The following GPHN variants were observed in gnomAD, a reference collection of about 807,000 sequenced individuals.
GPHN encodes the protein gephyrin.
A neutral mutation model predicts 95.5 loss-of-function variants in GPHN; 17 were observed. That is an observed-to-expected ratio of 0.18 (90% CI 0.12 to 0.27). GPHN has a LOEUF of 0.27. GPHN is among the 10% of genes least tolerant of loss of function. The pLI is 1.00. For synonymous variants in GPHN, 320 were observed against 322.5 expected (o/e 0.99, Z 0.08); for missense variants, 660 against 978.1 (o/e 0.67, Z 4.34).
the GPHN span, among the ~76,000 whole-genome samples, chr14:67,297,585 AT>A: frequency 6.6e-6 from 1 of 152,198 alleles, no homozygotes; most frequent in African/African-American, 2.4e-5. Flanking sequence ...CTTTGATAAC[AT>A]TGTGGAAAGT....
the GPHN span, among the ~76,000 whole-genome samples, chr14:67,280,830 T>TCCTTC: frequency 7.6e-6 from 1 of 131,084 alleles, no homozygotes; most frequent in African/African-American, 3.3e-5. Flanking sequence ...CTTCCTTCCT[T>TCCTTC]CCTTCCTTCC....
intron 5 of GPHN, among the ~76,000 whole-genome samples, chr14:66,911,519 A>C (rs779302633): frequency 4.6e-5 from 7 of 152,018 alleles, no homozygotes; most frequent in Non-Finnish European, 8.8e-5. Context: ...CTTGAGATCA[A>C]GTCAAGGCAC....
chr14:66,792,828 T>C (rs111318130), intron 3 of GPHN, among the ~76,000 whole-genome samples: 2,345 of 152,022 alleles, frequency 0.015, 32 homozygotes, highest in Non-Finnish European at 0.018. Context: ...GATTTACCTA[T>C]GTATTTATTA....
At position 66,933,481 on chromosome 14, in the gene GPHN, A is replaced by G. The variant is rs551770231; in HGVS notation, c.828+9189A>G. On this transcript the variant is annotated intron_variant, in intron 8 of 22. Coordinates refer to ENST00000478722, the MANE Select transcript of GPHN (RefSeq NM_020806.5). Reference sequence around the variant, plus strand: ...GGGAGCACCTGATTACCTATTAGAAAGAAAAATTACAATTTCCCTCAGCTG... The same window carrying G: ...GGGAGCACCTGATTACCTATTAGAAGGAAAAATTACAATTTCCCTCAGCTG... Among the ~76,000 whole-genome samples, 14 of 152,350 alleles carry G rather than the reference A, an allele frequency of 9.2e-5. 1 individual carries two copies. The South Asian group carries it at 2.7e-3, about 29-fold the overall frequency.
At chr14:66,550,159 T>C (rs997618875) in intron 1 of GPHN, among the ~76,000 whole-genome samples, 4 of 152,212 alleles carry the variant, frequency 2.6e-5, no homozygotes, top group Admixed American at 6.5e-5. Flanking sequence ...CCATAGATAG[T>C]AATTCCTTTG....
At chr14:67,542,475 G>A in the GPHN span, among the ~76,000 whole-genome samples, 1 of 152,150 alleles carries the variant, frequency 6.6e-6, no homozygotes, top group African/African-American at 2.4e-5. Context: ...ATGACCCTGG[G>A]CAAGTCCCTT....
At chr14:66,851,647 G>A (rs529330671) in intron 4 of GPHN, among the ~76,000 whole-genome samples, 56 of 152,128 alleles carry the variant, frequency 3.7e-4, no homozygotes, top group Non-Finnish European at 6.3e-4. Context: ...TGGGTTTTGA[G>A]GGAGTGGCAA....
chr14:67,395,921 T>C, the GPHN span, among the ~76,000 whole-genome samples: 1 of 152,140 alleles, frequency 6.6e-6, no homozygotes, highest in Non-Finnish European at 1.5e-5. Context: ...GCCCAGGCTT[T>C]AAAATCAGTC....
the GPHN span, chr14:67,729,336 C>G: frequency 6.3e-7 from 1 of 1,599,118 alleles, no homozygotes; most frequent in South Asian, 1.1e-5. Context: ...GCCTGCACTG[C>G]GCCCTGGCTG....
At position 66,918,733 on chromosome 14, in the gene GPHN, C is replaced by T. The variant is rs577555557; in HGVS notation, c.456+2664C>T. On this transcript the variant is annotated intron_variant, in intron 6 of 22. Transcript: ENST00000478722. ...GGACAACAAAGACATTCCTATTAGG[C>T]GTGAAATTCCAAGGACCTAGAGATC... Among the ~76,000 whole-genome samples, 255 of 152,136 alleles carry T rather than the reference C, an allele frequency of 1.7e-3. 1 individual carries two copies. Among genetic ancestry groups the T allele is most frequent in the Non-Finnish European group, 2.2e-3 (150 of 67,992 alleles).
intron 2 of GPHN, among the ~76,000 whole-genome samples, chr14:66,730,318 G>C (rs1727430641): frequency 6.6e-6 from 1 of 152,108 alleles, no homozygotes; most frequent in South Asian, 2.1e-4. Flanking sequence ...TGAAAATCAG[G>C]CTCACCTATT....
chr14:67,569,875 C>T, the GPHN span: 35 of 1,271,234 alleles, frequency 2.8e-5, no homozygotes, highest in East Asian at 8.0e-4. Context: ...ACACCCCTTC[C>T]TGGGTTATGC....
chr14:67,112,189 C>G (rs1375822601), intron 15 of GPHN, among the ~76,000 whole-genome samples: 2 of 152,152 alleles, frequency 1.3e-5, no homozygotes, highest in Admixed American at 6.5e-5. Context: ...AATTCTACTT[C>G]TAGATAATCC....
chr14:67,104,003 G>T (rs998722928), intron 13 of GPHN, among the ~76,000 whole-genome samples: 8 of 152,038 alleles, frequency 5.3e-5, no homozygotes, highest in African/African-American at 1.9e-4. Flanking sequence ...GTTGGCTGTG[G>T]GTTTGTCATC....
the GPHN span, among the ~76,000 whole-genome samples, chr14:67,621,621 T>A: frequency 1.3e-5 from 2 of 151,902 alleles, no homozygotes; most frequent in Non-Finnish European, 2.9e-5. Flanking sequence ...AATTTTGTAT[T>A]TTTAGTAGAC....
the GPHN span, among the ~76,000 whole-genome samples, chr14:67,344,019 A>G: frequency 2.0e-5 from 3 of 152,220 alleles, no homozygotes; most frequent in African/African-American, 7.2e-5. Flanking sequence ...GTCCCTGAGT[A>G]AGGAAATCTT....
At chr14:66,958,307 C>A (rs2068670488) in intron 8 of GPHN, among the ~76,000 whole-genome samples, 4 of 152,172 alleles carry the variant, frequency 2.6e-5, no homozygotes, top group Admixed American at 1.3e-4. Context: ...CTCTAGCTGT[C>A]TTTTGGCTAC....
At chr14:67,673,642 T>C in the GPHN span, among the ~76,000 whole-genome samples, 1 of 152,220 alleles carries the variant, frequency 6.6e-6, no homozygotes, top group African/African-American at 2.4e-5. Flanking sequence ...CCTTGAGTAA[T>C]TCGTTGAGCA....
At chr14:66,854,784 TATTAC>T (rs1689224132) in intron 4 of GPHN, among the ~76,000 whole-genome samples, 1 of 152,112 alleles carries the variant, frequency 6.6e-6, no homozygotes, top group Non-Finnish European at 1.5e-5. Flanking sequence ...GTTTTTGGTA[TATTAC>T]ATTTATTTTC....
Sources: gnomAD v4.1 joint callset for allele counts (sites outside exome capture counted in the v4.1 genomes callset) on GRCh38, gnomAD v4.1.1 for gene constraint, MANE v1.5 for transcripts, NCBI Gene and HGNC (gene_info 2026-07-23, HGNC 2026-07-21) for gene names.